Variants in LZTFL1 observed in about 807,000 individuals in gnomAD.
The protein encoded by LZTFL1 is leucine zipper transcription factor-like protein 1.
In LZTFL1, 25 loss-of-function variants were observed where a neutral mutation model predicts 45.9. The observed-to-expected ratio is 0.54, with a 90% CI of 0.40 to 0.76. The LOEUF (loss-of-function observed/expected upper bound fraction) is 0.76. Ranked by LOEUF, LZTFL1 falls within the 30% of genes least tolerant of loss-of-function variation. LZTFL1 has a pLI of 0.00. For synonymous variants in LZTFL1, 93 were observed against 117.4 expected, an observed-to-expected ratio of 0.79 and a Z score of 1.35; for missense variants, 277 against 331.1, an observed-to-expected ratio of 0.84 and a Z score of 1.27.
chr3:45,901,928 T>C lies in LZTFL1; in HGVS notation c.-215+11192A>G. The C allele has an allele frequency of 6.6e-7, 1 of 1,522,632 alleles. No individual in the cohort carries two copies. The allele number at this position is 1,522,632 out of a possible 1,614,324, so 94.3% of individuals were successfully genotyped here. ...TCTTCTCTGAGGTGCATGGTTCTTT[T>C]GGAAGAAATGAGAAATACAGAAACA... On this transcript the variant is annotated intron_variant, in intron 2 of 4. Transcript: ENST00000472635. This position sits in a 1 kb window ranked among gnomAD's most constrained non-coding sequence, Gnocchi z 4.3.
chr3:45,867,165 A>C (rs972440168), intron 2 of LZTFL1, among the ~76,000 whole-genome samples: 1 of 151,642 alleles, frequency 6.6e-6, no homozygotes, highest in Non-Finnish European at 1.5e-5. Flanking sequence ...AAAAAAAAAA[A>C]AAAAAACCCA....
At chr3:45,855,964 G>A (rs1315487206) in intron 3 of LZTFL1, among the ~76,000 whole-genome samples, 1 of 152,070 alleles carries the variant, frequency 6.6e-6, no homozygotes, top group Non-Finnish European at 1.5e-5. Flanking sequence ...CTCTGAAAAT[G>A]GCCATACTGT....
chr3:45,851,840 A>ATT (rs35655700), intron 4 of LZTFL1, among the ~76,000 whole-genome samples: 117 of 148,914 alleles, frequency 7.9e-4, no homozygotes, highest in East Asian at 1.8e-3. Flanking sequence ...CCTGTCTCTC[A>ATT]TTTTTTTTTT....
At chr3:45,831,786 A>T (rs1428130927) in intron 5 of LZTFL1, among the ~76,000 whole-genome samples, 2 of 152,106 alleles carry the variant, frequency 1.3e-5, no homozygotes, top group Non-Finnish European at 2.9e-5. Context: ...TTCAAGGCCC[A>T]GCTTAGGTAC....
chr3:45,878,105 T>A (rs1469453520), intron 2 of LZTFL1, among the ~76,000 whole-genome samples: 2 of 152,204 alleles, frequency 1.3e-5, no homozygotes, highest in African/African-American at 2.4e-5. Context: ...ATGTGATGTA[T>A]CTACATGGTG....
At chr3:45,896,310 T>A (rs922866450) in intron 2 of LZTFL1, among the ~76,000 whole-genome samples, 1 of 152,198 alleles carries the variant, frequency 6.6e-6, no homozygotes, top group African/African-American at 2.4e-5. Flanking sequence ...CAGCCCCAGA[T>A]AAGAAGGAAA....
chr3:45,895,897 T>TA (rs1702339529), intron 2 of LZTFL1, among the ~76,000 whole-genome samples: 1 of 152,238 alleles, frequency 6.6e-6, no homozygotes, highest in African/African-American at 2.4e-5. Context: ...GCCTGGGTTT[T>TA]ACATGTAGAT....
chr3:45,861,171 C>T (rs906741663), intron 2 of LZTFL1, among the ~76,000 whole-genome samples: 4 of 146,044 alleles, frequency 2.7e-5, no homozygotes, highest in Admixed American at 7.0e-5. Flanking sequence ...ACTGCCTGTG[C>T]GTATTATAAT....
intron 7 of LZTFL1, among the ~76,000 whole-genome samples, chr3:45,828,828 C>G (rs1700738645): frequency 6.6e-6 from 1 of 152,152 alleles, no homozygotes; most frequent in African/African-American, 2.4e-5. Flanking sequence ...GTCTTGCACA[C>G]AGCCGACACT....
chr3:45,909,581 T>G (rs1040764213), intron 2 of LZTFL1, among the ~76,000 whole-genome samples: 1 of 152,252 alleles, frequency 6.6e-6, no homozygotes, highest in South Asian at 2.1e-4. Context: ...AAACTCATGC[T>G]CTTATCCTTA....
chr3:45,886,795 C>T (rs1231366856), intron 2 of LZTFL1: 8 of 152,284 alleles, frequency 5.3e-5, no homozygotes, highest in Admixed American at 5.2e-4. Flanking sequence ...TTTCTAGAAA[C>T]TTCCAGGAAG....
At position 45,897,975 on chromosome 3, in the gene LZTFL1, CAAA is replaced by C. The variant is rs72284250; in HGVS notation, c.-215+15142_-215+15144del. ...TGAGAGTCTATTAAAGCTATTTGAC[CAAA>C]AAAAAAAAAAAAAAACACACAAAAC... On this transcript the variant is annotated intron_variant, in intron 2 of 4. Coordinates refer to the LZTFL1 transcript ENST00000472635. Among the ~76,000 whole-genome samples the C allele has an allele frequency of 5.6e-3, 594 of 105,972 alleles. 4 individuals carry two copies. Among genetic ancestry groups the C allele is most frequent in the African/African-American group, 0.02 (528 of 26,406 alleles). 69.5% of individuals were successfully genotyped at this position (105,972 alleles called of 152,430 possible). A position where few individuals can be genotyped will look rare whatever the true frequency, so the allele number is the denominator to read the frequency against.
At chr3:45,892,440 C>T (rs912165387) in intron 2 of LZTFL1, among the ~76,000 whole-genome samples, 5 of 152,114 alleles carry the variant, frequency 3.3e-5, no homozygotes, top group Admixed American at 6.5e-5. Flanking sequence ...GGCCATTATC[C>T]TAAGTGAATT....
At position 45,824,903 on chromosome 3, in the gene LZTFL1, A is replaced by C. The variant is rs1700625462; in HGVS notation, c.*1411T>G. The C allele has an allele frequency of 7.5e-6, 3 of 398,342 alleles. No individual in the cohort carries two copies. The highest frequency in any genetic ancestry group is 1.3e-5 in the Non-Finnish European group (3 of 225,956). 24.7% of individuals were successfully genotyped at this position (398,342 alleles called of 1,614,324 possible). A position where few individuals can be genotyped will look rare whatever the true frequency, so the allele number is the denominator to read the frequency against. On this transcript the variant is annotated 3_prime_UTR_variant, in exon 10 of 10. Coordinates refer to ENST00000296135, the MANE Select transcript of LZTFL1 (RefSeq NM_020347.4). Reference sequence around the variant, plus strand: ...AGAGACAGGTGAGGAGAAAATACATAGTAAATGCTGGCTCGTTATTGCATT... The same window carrying C: ...AGAGACAGGTGAGGAGAAAATACATCGTAAATGCTGGCTCGTTATTGCATT...
intron 2 of LZTFL1, among the ~76,000 whole-genome samples, chr3:45,910,118 A>G (rs530576204): frequency 4.5e-4 from 69 of 152,258 alleles, no homozygotes; most frequent in Middle Eastern, 6.8e-3. Flanking sequence ...GTGTGGCATG[A>G]TCCAATTCAT....
At chr3:45,909,294 C>A (rs1356063013) in intron 2 of LZTFL1, among the ~76,000 whole-genome samples, 1 of 152,164 alleles carries the variant, frequency 6.6e-6, no homozygotes, top group Non-Finnish European at 1.5e-5. Flanking sequence ...TGCTGCAGGT[C>A]CATGGAAAAA....
intron 2 of LZTFL1, among the ~76,000 whole-genome samples, chr3:45,891,073 T>TTCC (rs1481421450): frequency 2.0e-5 from 3 of 152,240 alleles, no homozygotes; most frequent in African/African-American, 4.8e-5. Flanking sequence ...TTTGTCAAAT[T>TTCC]TCCTGCAAAC....
chr3:45,835,971 A>T (rs79797161), intron 2 of LZTFL1, among the ~76,000 whole-genome samples, 187 bp from the exon 3 acceptor site: 5,182 of 152,310 alleles, frequency 0.034, 289 homozygotes, highest in African/African-American at 0.12. Context: ...AATTTTTGAC[A>T]TCTATTCAAA....
chr3:45,892,691 C>A (rs1243522015), intron 2 of LZTFL1, among the ~76,000 whole-genome samples: 1 of 152,018 alleles, frequency 6.6e-6, no homozygotes. Flanking sequence ...TATGACAAAC[C>A]TGCACATATA....
Sources: allele counts gnomAD v4.1 joint callset (sites outside exome capture counted in the v4.1 genomes callset), GRCh38; gene constraint gnomAD v4.1.1; non-coding constraint Gnocchi (gnomAD v3.1); transcripts MANE v1.5; gene names NCBI Gene and HGNC (gene_info 2026-07-23, HGNC 2026-07-21).